SLC7A2: variants seen among roughly 807,000 people sequenced by gnomAD.
SLC7A2 encodes the protein cationic amino acid transporter 2.
A neutral mutation model predicts 58.9 loss-of-function variants in SLC7A2; 48 were observed. The ratio of observed to expected loss-of-function variants is 0.82; its 90% CI spans 0.65 to 1.04. The LOEUF is 1.04. Ranked by LOEUF, SLC7A2 falls within the 50% of genes least tolerant of loss-of-function variation. SLC7A2 has a pLI of 0.00. For missense variants in SLC7A2, 1,029 were observed against 818.8 expected (o/e 1.26, Z -3.13); for synonymous variants, 363 against 314.5 (o/e 1.15, Z -1.63).
At chr8:17,522,913 G>A (rs779362982) in intron 2 of SLC7A2, among the ~76,000 whole-genome samples, 8 of 151,966 alleles carry the variant, frequency 5.3e-5, no homozygotes, top group Middle Eastern at 3.4e-3. Flanking sequence ...GGGTGCCCCC[G>A]TATCCCAGCT....
At chr8:17,564,087 A>G (rs1803153000) in intron 12 of SLC7A2, among the ~76,000 whole-genome samples, 1 of 152,212 alleles carries the variant, frequency 6.6e-6, no homozygotes, top group Admixed American at 6.5e-5. Flanking sequence ...ATCCCCACAC[A>G]GTCAGTGTGG....
chr8:17,495,255 T>C (rs1251142112), upstream of SLC7A2, among the ~76,000 whole-genome samples: 1 of 152,202 alleles, frequency 6.6e-6, no homozygotes, highest in Non-Finnish European at 1.5e-5. Context: ...TCTCTATTTT[T>C]TTTAAACCAG....
chr8:17,535,510 G>A (rs1419288991), intron 2 of SLC7A2, among the ~76,000 whole-genome samples: 1 of 152,194 alleles, frequency 6.6e-6, no homozygotes, highest in Non-Finnish European at 1.5e-5. Flanking sequence ...GTGGCACGAG[G>A]GAAGAATTGG....
At chr8:17,515,627 GT>G (rs1800775977) in intron 2 of SLC7A2, among the ~76,000 whole-genome samples, 1 of 152,168 alleles carries the variant, frequency 6.6e-6, no homozygotes, top group Non-Finnish European at 1.5e-5. Context: ...GGGATGTTGA[GT>G]GGGGTGGCGG....
intron 5 of SLC7A2, 104 bp from the exon 6 acceptor site, chr8:17,550,197 G>A: frequency 9.7e-7 from 1 of 1,030,640 alleles, no homozygotes. Context: ...TCTTCAAAGA[G>A]CTAATAAACA....
chr8:17,530,235 G>A (rs1801391794), intron 2 of SLC7A2, among the ~76,000 whole-genome samples: 1 of 152,182 alleles, frequency 6.6e-6, no homozygotes. Flanking sequence ...AAGCTCAGGA[G>A]CTGACAGAGA....
rs757025314 is a variant in SLC7A2 at position 17,538,845 on chromosome 8, T to C, written c.-22-4473T>C. ...CTGGAATGAAGATAGAAACAAGTGG[T>C]TATAACTCAGACAAACTAATTTGTC... On this transcript the variant is annotated intron_variant, in intron 2 of 12. Coordinates refer to ENST00000494857, the MANE Select transcript of SLC7A2 (RefSeq NM_001370338.1). 10 of 1,613,626 alleles carry C rather than the reference T, an allele frequency of 6.2e-6. No homozygotes were observed. In the South Asian group the frequency reaches 6.6e-5, roughly 11 times the overall value.
intron 4 of SLC7A2, among the ~76,000 whole-genome samples, chr8:17,545,341 T>G (rs1353192337): frequency 6.6e-6 from 1 of 152,070 alleles, no homozygotes; most frequent in East Asian, 1.9e-4. Flanking sequence ...TGATTTTATT[T>G]CATAGGCATA....
intron 2 of SLC7A2, among the ~76,000 whole-genome samples, chr8:17,541,826 AT>A: frequency 1.3e-5 from 2 of 152,348 alleles, no homozygotes; most frequent in East Asian, 3.8e-4. Context: ...GATATTTTGA[AT>A]GTTTTGCTTT....
chr8:17,507,110 A>G (rs988590071), intron 2 of SLC7A2, among the ~76,000 whole-genome samples: 1 of 151,828 alleles, frequency 6.6e-6, no homozygotes. Context: ...ATGCCTGGCT[A>G]ATTTTTTTTG....
chr8:17,539,268 T>A (rs1056670535), intron 2 of SLC7A2, among the ~76,000 whole-genome samples: 4 of 152,130 alleles, frequency 2.6e-5, no homozygotes, highest in African/African-American at 9.7e-5. Context: ...TTGGCAAGAA[T>A]TAATAGGGAC....
At chr8:17,564,824 G>A (rs142103332) in intron 12 of SLC7A2, 126 bp from the exon 13 acceptor site, 10,451 of 800,084 alleles carry the variant, frequency 0.013, 242 homozygotes, top group Admixed American at 0.077. Flanking sequence ...GGTGACCCCC[G>A]TTCTAAAGTA....
At chr8:17,538,038 C>T (rs990468307) in intron 2 of SLC7A2, among the ~76,000 whole-genome samples, 1 of 152,212 alleles carries the variant, frequency 6.6e-6, no homozygotes, top group Admixed American at 6.5e-5. Context: ...TTGGAAGCAG[C>T]AGCTGTCTTT....
At chr8:17,550,982 A>G (rs1802422431) in intron 6 of SLC7A2, among the ~76,000 whole-genome samples, 4 of 152,342 alleles carry the variant, frequency 2.6e-5, no homozygotes, top group South Asian at 2.1e-4. Context: ...TGTACAAAGT[A>G]TACTGTTTTT....
chr8:17,505,497 G>A (rs1192259258), intron 2 of SLC7A2, among the ~76,000 whole-genome samples: 1 of 152,148 alleles, frequency 6.6e-6, no homozygotes, highest in Non-Finnish European at 1.5e-5. Context: ...CATGGTGGAT[G>A]CTGTTCCCTG....
chr8:17,495,476 ATTAC>A (rs1799934615), upstream of SLC7A2, among the ~76,000 whole-genome samples: 1 of 152,184 alleles, frequency 6.6e-6, no homozygotes, highest in African/African-American at 2.4e-5. Flanking sequence ...GACAGTCTCT[ATTAC>A]TTAAGACATT....
At chr8:17,538,715 A>T in intron 2 of SLC7A2, 1 of 1,330,572 alleles carries the variant, frequency 7.5e-7, no homozygotes, top group Non-Finnish European at 1.0e-6. Flanking sequence ...GATCTAGGGC[A>T]AAAACAGTAT....
chr8:17,524,464 A>G (rs1395547122), intron 2 of SLC7A2, among the ~76,000 whole-genome samples: 2 of 150,698 alleles, frequency 1.3e-5, no homozygotes, highest in Admixed American at 1.3e-4. Flanking sequence ...ACACCATGGA[A>G]TACTACTCAG....
chr8:17,565,839 T>A lies in SLC7A2; in HGVS notation c.*693T>A, dbSNP rs1335359981. On this transcript the variant is annotated 3_prime_UTR_variant, in exon 13 of 13. Coordinates refer to ENST00000494857, the MANE Select transcript of SLC7A2 (RefSeq NM_001370338.1). ...TACACAGGCCAGGAGTGGCATTCCA[T>A]GCCACTAGTTGGCATCCTTTTGAAC... is the stretch of plus-strand genomic sequence containing the variant. 6.6e-6 allele frequency: 1 copy of A among 152,262 alleles called. No homozygotes were observed. The highest frequency in any genetic ancestry group is 1.5e-5 in the Non-Finnish European group (1 of 68,050). The allele number at this position is 152,262 out of a possible 1,614,324, so 9.4% of individuals were successfully genotyped here.
Sources: allele counts gnomAD v4.1 joint callset (sites outside exome capture counted in the v4.1 genomes callset), GRCh38; gene constraint gnomAD v4.1.1; transcripts MANE v1.5; gene names NCBI Gene and HGNC (gene_info 2026-07-23, HGNC 2026-07-21).